SKAP2: variants seen among roughly 807,000 people sequenced by gnomAD.
SKAP2 encodes the protein src kinase associated phosphoprotein 2.
SKAP2 carries 28 observed loss-of-function variants against 54.9 expected under a neutral mutation model. The observed-to-expected ratio is 0.51, with a 90% confidence interval of 0.38 to 0.70. SKAP2 has a LOEUF of 0.70. Ranked by LOEUF, SKAP2 falls within the 30% of genes least tolerant of loss-of-function variation. The pLI, the probability that SKAP2 is intolerant of heterozygous loss-of-function variation, is 0.00. For synonymous variants in SKAP2, 137 were observed against 134.3 expected (o/e 1.02, Z -0.14); for missense variants, 356 against 424.1 (o/e 0.84, Z 1.41).
At chr7:26,657,858 CTG>C in the SKAP2 span, among the ~76,000 whole-genome samples, 1 of 151,930 alleles carries the variant, frequency 6.6e-6, no homozygotes, top group Admixed American at 6.6e-5. Context: ...CCTCCTCAGA[CTG>C]TGCCTTTGTC....
intron 9 of SKAP2, among the ~76,000 whole-genome samples, chr7:26,723,796 T>C (rs1231858752): frequency 6.6e-6 from 1 of 152,164 alleles, no homozygotes; most frequent in Non-Finnish European, 1.5e-5. Flanking sequence ...AACACATTCA[T>C]TGCAGGGTTT....
At chr7:26,771,799 GC>G (rs1433399674) in intron 4 of SKAP2, among the ~76,000 whole-genome samples, 1 of 152,134 alleles carries the variant, frequency 6.6e-6, no homozygotes, top group Non-Finnish European at 1.5e-5. Context: ...CAAAGTAAAA[GC>G]TGATGCACTT....
chr7:26,832,779 G>A (rs1439552637), intron 4 of SKAP2, among the ~76,000 whole-genome samples: 4 of 152,186 alleles, frequency 2.6e-5, no homozygotes, highest in African/African-American at 9.7e-5. Flanking sequence ...AGACACAGCA[G>A]AGGACACCTA....
At position 26,684,836 on chromosome 7, in the gene SKAP2, G is replaced by A. The variant is rs1211273405; in HGVS notation, c.887C>T (p.Thr296Ile). ...SVHHTSGDKS[T>I]DYANFYQGLW... is the part of the protein sequence containing the mutation. The stretch of plus-strand genomic sequence containing the variant: ...TCCCTGGTAAAAATTAGCATAATCA[G>A]TGCTCTTATCCCCTAGGAAGAAGAA... Residue 296 changes from threonine to isoleucine, a missense_variant, in exon 11 of 13, where the codon ACT (threonine) becomes ATT (isoleucine). Thr to Ile is a moderately conservative substitution (Grantham distance 89). Transcript: ENST00000345317. The A allele has an allele frequency of 1.9e-6, 3 of 1,602,508 alleles. No homozygotes were observed. Among genetic ancestry groups the A allele is most frequent in the Non-Finnish European group, 2.6e-6 (3 of 1,169,960 alleles).
intron 4 of SKAP2, among the ~76,000 whole-genome samples, chr7:26,799,124 G>A (rs370873134): frequency 9.5e-5 from 7 of 73,342 alleles, no homozygotes; most frequent in Admixed American, 2.8e-4. Context: ...ACAAGGCAAG[G>A]CAAGGCAAGG....
At chr7:26,862,137 G>A (rs1264948351) in intron 1 of SKAP2, among the ~76,000 whole-genome samples, 1 of 151,866 alleles carries the variant, frequency 6.6e-6, no homozygotes, top group African/African-American at 2.4e-5. Flanking sequence ...TCTAAATCTA[G>A]TCATATACTA....
chr7:26,830,483 T>C (rs1051755881), intron 4 of SKAP2, among the ~76,000 whole-genome samples: 4 of 152,178 alleles, frequency 2.6e-5, no homozygotes, highest in African/African-American at 7.2e-5. Context: ...TGGTAAACTA[T>C]GTAAAATCAA....
intron 4 of SKAP2, among the ~76,000 whole-genome samples, chr7:26,802,272 T>TG (rs1194673319): frequency 7.8e-6 from 1 of 127,876 alleles, no homozygotes; most frequent in African/African-American, 2.7e-5. Context: ...TTTTTTTTTT[T>TG]TTTGGTTTTT....
chr7:26,748,235 C>A (rs74921016), intron 4 of SKAP2, among the ~76,000 whole-genome samples: 2,428 of 152,134 alleles, frequency 0.016, 62 homozygotes, highest in African/African-American at 0.055. Flanking sequence ...TAACAATAAA[C>A]CACTAGTTAT....
intron 4 of SKAP2, among the ~76,000 whole-genome samples, chr7:26,801,017 A>G (rs1228712671): frequency 6.6e-6 from 1 of 152,196 alleles, no homozygotes; most frequent in African/African-American, 2.4e-5. Context: ...TACTGATACC[A>G]AAACGAGAAA....
intron 4 of SKAP2, among the ~76,000 whole-genome samples, chr7:26,833,190 C>T (rs1005055489): frequency 1.3e-5 from 2 of 151,752 alleles, no homozygotes; most frequent in African/African-American, 2.4e-5. Flanking sequence ...GTCAGGGGAT[C>T]GAGACCATCC....
At chr7:26,859,864 A>C (rs1341936399) in intron 1 of SKAP2, among the ~76,000 whole-genome samples, 2 of 152,236 alleles carry the variant, frequency 1.3e-5, no homozygotes, top group Non-Finnish European at 2.9e-5. Context: ...GGAATGAAAA[A>C]GAGACTTAGC....
chr7:26,797,709 C>T (rs1445804092), intron 4 of SKAP2, among the ~76,000 whole-genome samples: 1 of 152,088 alleles, frequency 6.6e-6, no homozygotes, highest in Non-Finnish European at 1.5e-5. Context: ...CCTGGAGAAA[C>T]ACAGTTATGT....
At chr7:26,726,468 T>G (rs1380870187) in intron 7 of SKAP2, among the ~76,000 whole-genome samples, 1 of 152,150 alleles carries the variant, frequency 6.6e-6, no homozygotes, top group African/African-American at 2.4e-5. Flanking sequence ...GCAGAGCTGA[T>G]GTGTACTTTT....
intron 4 of SKAP2, among the ~76,000 whole-genome samples, chr7:26,835,613 C>T (rs560001007): frequency 4.7e-4 from 72 of 152,128 alleles, no homozygotes; most frequent in Non-Finnish European, 9.0e-4. Flanking sequence ...GAATAAAATA[C>T]CTAGGAATAC....
intron 9 of SKAP2, among the ~76,000 whole-genome samples, chr7:26,723,055 C>A (rs1239994209): frequency 1.3e-5 from 2 of 152,146 alleles, no homozygotes; most frequent in Admixed American, 6.5e-5. Flanking sequence ...TGTAAATGTG[C>A]TTACTGCTCT....
chr7:26,697,883 C>T (rs963364661), intron 9 of SKAP2, among the ~76,000 whole-genome samples: 3 of 152,272 alleles, frequency 2.0e-5, no homozygotes, highest in Admixed American at 2.0e-4. Context: ...TGTCCCCATA[C>T]ATTTCTTATC....
At chr7:26,854,965 A>T in intron 1 of SKAP2, 75 bp from the exon 2 acceptor site, 1 of 1,040,032 alleles carries the variant, frequency 9.6e-7, no homozygotes, top group Non-Finnish European at 1.4e-6. Flanking sequence ...TAGGACAATG[A>T]TTGTTTCTAC....
intron 4 of SKAP2, among the ~76,000 whole-genome samples, chr7:26,757,958 T>A (rs1005085391): frequency 7.2e-5 from 11 of 152,214 alleles, no homozygotes; most frequent in Non-Finnish European, 1.5e-4. Flanking sequence ...AGACAGGGTT[T>A]CACCGTGTTA....
Sources: gnomAD v4.1 joint callset for allele counts (sites outside exome capture counted in the v4.1 genomes callset) on GRCh38, gnomAD v4.1.1 for gene constraint, MANE v1.5 for transcripts, NCBI Gene and HGNC (gene_info 2026-07-23, HGNC 2026-07-21) for gene names.